TPD52L2: variants seen among roughly 807,000 people sequenced by gnomAD.
TPD52L2 encodes the protein TPD52 like 2, also known as tumor protein D54.
TPD52L2 carries 19 observed loss-of-function variants against 24.7 expected under a neutral mutation model. That is an observed-to-expected ratio of 0.77 (90% CI 0.54 to 1.13). The LOEUF is 1.13. Among genes scored for constraint, TPD52L2 ranks in the 50% most tolerant of loss-of-function variants. The pLI is 0.00. For synonymous variants in TPD52L2, 104 were observed against 100.2 expected (o/e 1.04, Z -0.23); for missense variants, 236 against 250.4 (o/e 0.94, Z 0.39).
In TPD52L2 at chr20:63,868,596, G is replaced by A. The variant is rs58506986; in HGVS notation, c.20-700G>A. ...ATGTGCTCTGTCAGATGTGTTGAGA[G>A]GAAAGTGATGCTTATTGTGTATATT... On this transcript the variant is annotated intron_variant, in intron 1 of 6. Transcript: ENST00000346249. Among the ~76,000 whole-genome samples, 1,079 of 152,284 alleles carry A rather than the reference G, an allele frequency of 7.1e-3. 18 individuals carry two copies. Among genetic ancestry groups the A allele is most frequent in the African/African-American group, 0.025 (1,029 of 41,542 alleles).
At position 63,891,331 on chromosome 20, in the gene TPD52L2, T is replaced by G. The variant is rs1476782976; in HGVS notation, c.*1386T>G. On this transcript the variant is annotated 3_prime_UTR_variant, in exon 7 of 7. Coordinates refer to ENST00000346249, the MANE Select transcript of TPD52L2 (RefSeq NM_003288.4). This position sits in a 1 kb window ranked among gnomAD's most constrained non-coding sequence, Gnocchi z 4.7. ...CTCTGACAGCCGTGTCCCCGGACAG[T>G]TCAGACACCCTTGGGGATGGCACTC... 6.6e-6 allele frequency: 1 copy of G among 152,470 alleles called. No homozygotes were observed. Among genetic ancestry groups the G allele is most frequent in the Non-Finnish European group, 1.5e-5 (1 of 68,070 alleles). 9.4% of individuals were successfully genotyped at this position (152,470 alleles called of 1,614,324 possible). A position where few individuals can be genotyped will look rare whatever the true frequency, so the allele number is the denominator to read the frequency against.
intron 6 of TPD52L2, 80 bp downstream of exon 6, chr20:63,889,318 T>A (rs6062569): frequency 1.6e-6 from 2 of 1,238,944 alleles, no homozygotes; most frequent in South Asian, 1.2e-5. Flanking sequence ...GTCATTTAGT[T>A]ATGGTAGACT....
chr20:63,884,123 A>G (rs1170774984), intron 5 of TPD52L2, among the ~76,000 whole-genome samples: 1 of 152,182 alleles, frequency 6.6e-6, no homozygotes, highest in African/African-American at 2.4e-5. Context: ...TGCAGTCATC[A>G]GTATGCAATG....
At chr20:63,879,424 A>G (rs1475675838) in intron 4 of TPD52L2, among the ~76,000 whole-genome samples, 1 of 151,950 alleles carries the variant, frequency 6.6e-6, no homozygotes, top group Non-Finnish European at 1.5e-5. Flanking sequence ...ACCCACCCAC[A>G]GGTCACGCTC....
rs1414703619 is a variant in TPD52L2 at position 63,890,585 on chromosome 20, G to T, written c.*640G>T. On this transcript the variant is annotated 3_prime_UTR_variant, in exon 7 of 7. Transcript: ENST00000346249. ...TAGGCAAAGCAGCTTTAGCCTCATA[G>T]AATATTATTTCTTTGGACTCAAGCT... 6.5e-6 allele frequency: 1 copy of T among 153,040 alleles called. No individual in the cohort carries two copies. The highest frequency in any genetic ancestry group is 2.4e-5 in the African/African-American group (1 of 41,470). 9.5% of individuals were successfully genotyped at this position (153,040 alleles called of 1,614,324 possible).
At chr20:63,882,185 T>C (rs1168182545) in intron 4 of TPD52L2, among the ~76,000 whole-genome samples, 2 of 152,108 alleles carry the variant, frequency 1.3e-5, no homozygotes, top group African/African-American at 2.4e-5. Flanking sequence ...CCCACAGACG[T>C]GGTTGAGCTT....
In TPD52L2 at chr20:63,877,856, G is replaced by T. The variant is rs2052747500; in HGVS notation, c.374+1981G>T. Among the ~76,000 whole-genome samples the T allele has an allele frequency of 6.6e-6, 1 of 152,232 alleles. No individual in the cohort carries two copies. The highest frequency in any genetic ancestry group is 2.4e-5 in the African/African-American group (1 of 41,440). The stretch of plus-strand genomic sequence containing the variant: ...TTCCAGAGTGGAAGCGTTTCTGCCG[G>T]GAAGGCCCAGGCCGAGGGCGATGGT... On this transcript the variant is annotated intron_variant, in intron 4 of 6. Transcript: ENST00000346249. This position sits in a 1 kb window ranked among gnomAD's most constrained non-coding sequence, Gnocchi z 4.1.
At position 63,889,369 on chromosome 20, in the gene TPD52L2, G is replaced by T. The variant is rs981915306; in HGVS notation, c.525+131G>T. 8.2e-6 allele frequency: 7 copies of T among 850,678 alleles called. No homozygotes were observed. In the Admixed American group the frequency reaches 1.4e-4, roughly 17 times the overall value. The allele number at this position is 850,678 out of a possible 1,614,324, so 52.7% of individuals were successfully genotyped here. On this transcript the variant is annotated intron_variant, in intron 6 of 6. Coordinates refer to ENST00000346249, the MANE Select transcript of TPD52L2 (RefSeq NM_003288.4). ...GAAGTAATGCAGAGAGGTTCCTTGTGCCTTTTACACAGTTCTCTCCTGTGA... is the reference window on the plus strand; with the variant it reads ...GAAGTAATGCAGAGAGGTTCCTTGTTCCTTTTACACAGTTCTCTCCTGTGA...
intron 4 of TPD52L2, among the ~76,000 whole-genome samples, chr20:63,879,528 G>T (rs531515775): frequency 1.8e-4 from 27 of 152,278 alleles, no homozygotes; most frequent in African/African-American, 6.3e-4. Flanking sequence ...CTGAAGGCCG[G>T]GCACAGGCGG....
intron 5 of TPD52L2, among the ~76,000 whole-genome samples, chr20:63,884,827 A>G (rs1374538818): frequency 1.3e-5 from 2 of 152,068 alleles, no homozygotes; most frequent in Admixed American, 1.3e-4. Flanking sequence ...CTGACCTGGG[A>G]CGAGCCAGCT....
intron 1 of TPD52L2, among the ~76,000 whole-genome samples, chr20:63,867,759 G>T (rs1490254149): frequency 6.6e-6 from 1 of 151,084 alleles, no homozygotes; most frequent in African/African-American, 2.4e-5. Context: ...CTTTTAAAAG[G>T]CATAGTTTTT....
At chr20:63,885,349 C>T (rs2053052437) in intron 5 of TPD52L2, among the ~76,000 whole-genome samples, 1 of 152,232 alleles carries the variant, frequency 6.6e-6, no homozygotes, top group Admixed American at 6.5e-5. Flanking sequence ...AGGCATCGGC[C>T]CTCTCAGGAC....
chr20:63,889,093 C>A, intron 5 of TPD52L2, 97 bp from the exon 6 acceptor site: 1 of 1,036,866 alleles, frequency 9.6e-7, no homozygotes, highest in Admixed American at 1.8e-5. Context: ...GTTAGGGACC[C>A]TTTGGAGGCT....
chr20:63,886,414 G>A (rs1353520663), intron 5 of TPD52L2, among the ~76,000 whole-genome samples: 2 of 151,726 alleles, frequency 1.3e-5, no homozygotes, highest in African/African-American at 4.8e-5. Context: ...AGGTTGGAGT[G>A]CCGTGGCGCG....
chr20:63,889,120 C>T lies in TPD52L2; in HGVS notation c.477-70C>T. ...TTGGAGGCTGGCCCTAACCCTGAGG[C>T]CCTTCCGAGTTAGGAGAGCAGCACA... On this transcript the variant is annotated intron_variant, in intron 5 of 6. Coordinates refer to ENST00000346249, the MANE Select transcript of TPD52L2 (RefSeq NM_003288.4). The T allele has an allele frequency of 9.4e-6, 13 of 1,383,638 alleles. No individual in the cohort carries two copies. In the South Asian group the frequency reaches 1.4e-4, roughly 15 times the overall value. 85.7% of individuals were successfully genotyped at this position (1,383,638 alleles called of 1,614,324 possible).
chr20:63,877,326 A>C lies in TPD52L2; in HGVS notation c.374+1451A>C. 1 of 270,992 alleles carries C rather than the reference A, an allele frequency of 3.7e-6. No individual in the cohort carries two copies. Among genetic ancestry groups the C allele is most frequent in the Middle Eastern group, 1.5e-3 (1 of 674 alleles). The allele number at this position is 270,992 out of a possible 1,614,324, so 16.8% of individuals were successfully genotyped here. A position where few individuals can be genotyped will look rare whatever the true frequency, so the allele number is the denominator to read the frequency against. ...AGGCGCCCACCACCACGCCCGGCTA[A>C]TTTTTTGTATTTTTAGTAGAGACAG... On this transcript the variant is annotated intron_variant, in intron 4 of 6. Transcript: ENST00000346249. The surrounding 1 kb of genome is among the most constrained non-coding windows in gnomAD (Gnocchi z 4.1).
chr20:63,887,611 G>C, intron 5 of TPD52L2: 1 of 1,612,998 alleles, frequency 6.2e-7, no homozygotes, highest in Non-Finnish European at 8.5e-7. Context: ...ATGAGGTAAT[G>C]TATGCCTGCT....
At chr20:63,875,248 C>T (rs1395969842) in intron 3 of TPD52L2, among the ~76,000 whole-genome samples, 4 of 151,816 alleles carry the variant, frequency 2.6e-5, no homozygotes, top group African/African-American at 4.8e-5. Flanking sequence ...TACATGACGA[C>T]GTGGTCCTAT....
chr20:63,870,520 GTTT>G (rs959786861), intron 2 of TPD52L2, among the ~76,000 whole-genome samples: 29 of 94,546 alleles, frequency 3.1e-4, no homozygotes, highest in African/African-American at 9.5e-4. Context: ...ATAAGGTGAA[GTTT>G]TTTTTTTTTT....
Sources: gnomAD v4.1 joint callset for allele counts (sites outside exome capture counted in the v4.1 genomes callset) on GRCh38, gnomAD v4.1.1 for gene constraint, Gnocchi (gnomAD v3.1) non-coding constraint, MANE v1.5 for transcripts, NCBI Gene and HGNC (gene_info 2026-07-23, HGNC 2026-07-21) for gene names.